The following EIF5B variants were observed in gnomAD, a reference collection of about 807,000 sequenced individuals.
EIF5B encodes the protein eukaryotic translation initiation factor 5B.
A neutral mutation model predicts 147.5 loss-of-function variants in EIF5B; 47 were observed. The ratio of observed to expected loss-of-function variants is 0.32; its 90% CI spans 0.25 to 0.41. The LOEUF (loss-of-function observed/expected upper bound fraction) is 0.41. Ranked by LOEUF, EIF5B falls within the 10% of genes least tolerant of loss-of-function variation. The pLI is 1.00. For synonymous variants in EIF5B, 455 were observed against 456.2 expected (o/e 1.00, Z 0.03); for missense variants, 1,064 against 1,413.2 (o/e 0.75, Z 3.96).
At chr2:99,396,160 C>G (rs533110535) in intron 21 of EIF5B, among the ~76,000 whole-genome samples, 1 of 152,158 alleles carries the variant, frequency 6.6e-6, no homozygotes, top group African/African-American at 2.4e-5. Flanking sequence ...AGGATTTAGA[C>G]TGGTATATGC....
At chr2:99,380,442 C>A (rs1466844178) in intron 12 of EIF5B, among the ~76,000 whole-genome samples, 2 of 152,096 alleles carry the variant, frequency 1.3e-5, no homozygotes, top group Admixed American at 1.3e-4. Context: ...TGAGATAGTC[C>A]CATCTTTGCC....
Position 99,364,254 on chromosome 2 carries a change from CAT to C in EIF5B, c.1138-16_1138-15del, listed in dbSNP as rs781724499. 34 of 1,566,930 alleles carry C rather than the reference CAT, an allele frequency of 2.2e-5. No homozygotes were observed. The highest frequency in any genetic ancestry group is 9.0e-5 in the East Asian group (4 of 44,648). On this transcript the variant is annotated splice_polypyrimidine_tract_variant and intron_variant, in intron 5 of 23. Transcript: ENST00000289371. ...TTAAATGAATACAGGTTTTGTCTGA[CAT>C]GTACTCTTTTATAGGAACGATTGGA...
intron 22 of EIF5B, chr2:99,397,598 T>A (rs560702780): frequency 1.3e-5 from 2 of 152,276 alleles, no homozygotes; most frequent in South Asian, 4.1e-4. Context: ...AAGACACTCA[T>A]GCAGTTTCCC....
chr2:99,395,383 CA>C (rs1675021614), intron 21 of EIF5B, among the ~76,000 whole-genome samples: 1 of 152,220 alleles, frequency 6.6e-6, no homozygotes, highest in Admixed American at 6.5e-5. Context: ...ACCCATGCTG[CA>C]GTACAGTGGC....
At chr2:99,364,178 C>T (rs1362108807) in intron 5 of EIF5B, 93 bp from the exon 6 acceptor site, 2 of 1,472,288 alleles carry the variant, frequency 1.4e-6, no homozygotes, top group East Asian at 2.3e-5. Flanking sequence ...GCATGTGTCT[C>T]AAGAGATTTA....
At chr2:99,384,365 A>G (rs368158484) in intron 14 of EIF5B, among the ~76,000 whole-genome samples, 1 of 152,166 alleles carries the variant, frequency 6.6e-6, no homozygotes. Flanking sequence ...CTGCTTGCTA[A>G]CAGTGTACCT....
At chr2:99,352,426 C>T (rs902788629) in intron 1 of EIF5B, among the ~76,000 whole-genome samples, 3 of 151,764 alleles carry the variant, frequency 2.0e-5, no homozygotes, top group Non-Finnish European at 2.9e-5. Flanking sequence ...AACTCCCAAC[C>T]TCAGGTGATC....
intron 23 of EIF5B, 155 bp downstream of exon 23, chr2:99,399,064 G>A: frequency 3.2e-6 from 3 of 926,520 alleles, no homozygotes; most frequent in Non-Finnish European, 4.8e-6. Flanking sequence ...GGCCTTGTCT[G>A]TTGAGGAAGT....
Position 99,399,623 on chromosome 2 carries a change from C to G in EIF5B, c.*209C>G, listed in dbSNP as rs750542973. 1.8e-5 allele frequency: 9 copies of G among 505,616 alleles called. No homozygotes were observed. The highest frequency in any genetic ancestry group is 2.2e-5 in the Non-Finnish European group (6 of 278,022). 31.3% of individuals were successfully genotyped at this position (505,616 alleles called of 1,614,324 possible). A position where few individuals can be genotyped will look rare whatever the true frequency, so the allele number is the denominator to read the frequency against. On this transcript the variant is annotated 3_prime_UTR_variant, in exon 24 of 24. Transcript: ENST00000289371. ...GGTCAGTTACATGTCCCCACAGTTC[C>G]AATGTGCCTGTTCACTCACCTCTCC... is the stretch of plus-strand genomic sequence containing the variant.
intron 1 of EIF5B, among the ~76,000 whole-genome samples, chr2:99,355,899 C>T (rs1251948295): frequency 6.6e-6 from 1 of 152,092 alleles, no homozygotes; most frequent in Admixed American, 6.5e-5. Context: ...AGGCGTGAGG[C>T]ACTGCACCCG....
intron 4 of EIF5B, among the ~76,000 whole-genome samples, chr2:99,363,066 T>A (rs796857403): frequency 5.3e-5 from 8 of 152,308 alleles, no homozygotes; most frequent in African/African-American, 1.9e-4. Flanking sequence ...GCAACTTTTT[T>A]AAATGCTAGC....
At chr2:99,355,424 C>T (rs1333044545) in intron 1 of EIF5B, among the ~76,000 whole-genome samples, 1 of 152,190 alleles carries the variant, frequency 6.6e-6, no homozygotes, top group South Asian at 2.1e-4. Flanking sequence ...AGCCCATGAA[C>T]ATGGCATGTC....
chr2:99,337,704 AC>A, intron 1 of EIF5B, 115 bp downstream of exon 1: 1 of 1,336,862 alleles, frequency 7.5e-7, no homozygotes, highest in Non-Finnish European at 1.0e-6. Flanking sequence ...TTCGCGGGGT[AC>A]CAGGCCTGGG....
rs1024849535 is a variant in EIF5B at position 99,361,582 on chromosome 2, A to G, written c.681A>G (p.Thr227=). The change falls in exon 4 of 24, where the codon ACA becomes ACG. Residue 227 remains threonine (T), a synonymous_variant. Coordinates refer to ENST00000289371, the MANE Select transcript of EIF5B (RefSeq NM_015904.4). The stretch of plus-strand genomic sequence containing the variant: ...ATGACGCCTCCTTCAAAATTAAGAC[A>G]GTGGCCCAAAAGAAGGCAGAAAAGA... ...EDDDASFKIK[T]VAQKKAEKKE... 3 of 1,609,256 alleles carry G rather than the reference A, an allele frequency of 1.9e-6. No individual in the cohort carries two copies. The African/African-American group carries it at 4.0e-5, about 22-fold the overall frequency.
intron 1 of EIF5B, among the ~76,000 whole-genome samples, chr2:99,348,726 T>C (rs2105337442): frequency 6.6e-6 from 1 of 152,348 alleles, no homozygotes; most frequent in East Asian, 1.9e-4. Context: ...ATGTGACTTA[T>C]CCTTCCTTTA....
chr2:99,396,707 T>G, intron 21 of EIF5B, 53 bp from the exon 22 acceptor site: 1 of 1,538,748 alleles, frequency 6.5e-7, no homozygotes. Flanking sequence ...AGTTTTTCTT[T>G]TTATGTTTAA....
chr2:99,397,625 G>C (rs150394953), intron 22 of EIF5B: 48 of 152,338 alleles, frequency 3.2e-4, no homozygotes, highest in African/African-American at 1.1e-3. Flanking sequence ...CCTGCCTCTT[G>C]CATGACCCAG....
chr2:99,381,726 T>C (rs578247153), intron 12 of EIF5B, among the ~76,000 whole-genome samples: 2 of 152,254 alleles, frequency 1.3e-5, no homozygotes, highest in African/African-American at 4.8e-5. Context: ...ATCAATGTGG[T>C]AAATTTACTT....
intron 6 of EIF5B, among the ~76,000 whole-genome samples, chr2:99,366,087 A>G (rs1674322090): frequency 1.9e-5 from 2 of 106,818 alleles, no homozygotes; most frequent in South Asian, 6.7e-4. Context: ...TACTAAGCAT[A>G]TACACACACA....
Sources: allele counts gnomAD v4.1 joint callset (sites outside exome capture counted in the v4.1 genomes callset), GRCh38; gene constraint gnomAD v4.1.1; transcripts MANE v1.5; gene names NCBI Gene and HGNC (gene_info 2026-07-23, HGNC 2026-07-21).